Variants in FAM163A observed in about 807,000 individuals in gnomAD.
The protein encoded by FAM163A is protein FAM163A.
FAM163A carries 7 observed loss-of-function variants against 12.0 expected under a neutral mutation model. The observed-to-expected ratio is 0.58, with a 90% CI of 0.33 to 1.10. The LOEUF is 1.10. Among genes scored for constraint, FAM163A ranks in the 50% least tolerant of loss-of-function variants. The pLI, the probability that FAM163A is intolerant of heterozygous loss-of-function variation, is 0.03. For missense variants in FAM163A, 202 were observed against 218.6 expected, an observed-to-expected ratio of 0.92 and a Z score of 0.48; for synonymous variants, 101 against 91.0, an observed-to-expected ratio of 1.11 and a Z score of -0.62.
At chr1:179,771,049 C>T (rs914901002) in intron 1 of FAM163A, among the ~76,000 whole-genome samples, 1 of 152,152 alleles carries the variant, frequency 6.6e-6, no homozygotes, top group African/African-American at 2.4e-5. Flanking sequence ...TCCTGCTGCC[C>T]TCTGCTGACA....
At chr1:179,778,909 G>C (rs771784756) in intron 1 of FAM163A, among the ~76,000 whole-genome samples, 2 of 152,188 alleles carry the variant, frequency 1.3e-5, no homozygotes, top group African/African-American at 4.8e-5. Context: ...TAGAGGCTCC[G>C]AGCTAGACTC....
chr1:179,805,241 G>A (rs1174042756), intron 1 of FAM163A, among the ~76,000 whole-genome samples: 1 of 152,114 alleles, frequency 6.6e-6, no homozygotes, highest in East Asian at 1.9e-4. Flanking sequence ...TCATAGGCCG[G>A]GCATGCTGGC....
chr1:179,790,218 C>CTTTTTTTTTT (rs1168192716), intron 1 of FAM163A, among the ~76,000 whole-genome samples: 1 of 91,670 alleles, frequency 1.1e-5, no homozygotes, highest in Non-Finnish European at 2.1e-5. Context: ...AGCTGACTTC[C>CTTTTTTTTTT]TTTTTTTTTT....
At position 179,794,122 on chromosome 1, in the gene FAM163A, G is replaced by A. The variant is rs149006681; in HGVS notation, c.-135-13676G>A. ...GGCTGCCCTTACTCTCACACTCTTGGCCACCTTGTGCCTCTGCTCAGCCTA... is the reference window on the plus strand; with the variant it reads ...GGCTGCCCTTACTCTCACACTCTTGACCACCTTGTGCCTCTGCTCAGCCTA... On this transcript the variant is annotated intron_variant, in intron 1 of 4. Transcript: ENST00000341785. Among the ~76,000 whole-genome samples the A allele has an allele frequency of 3.9e-5, 6 of 152,316 alleles. No homozygotes were observed. In the East Asian group the frequency reaches 1.2e-3, roughly 29 times the overall value.
chr1:179,766,929 T>C lies in FAM163A; in HGVS notation c.-136+23506T>C, dbSNP rs1015565070. ...TGCCACCACGCTCGGCTAATTTTTA[T>C]CTTTTTAGTAGAGACAGGGTTTCAC... On this transcript the variant is annotated intron_variant, in intron 1 of 4. Coordinates refer to ENST00000341785, the MANE Select transcript of FAM163A (RefSeq NM_173509.3). Among the ~76,000 whole-genome samples, 5 of 152,112 alleles carry C rather than the reference T, an allele frequency of 3.3e-5. No homozygotes were observed. In the East Asian group the frequency reaches 9.6e-4, roughly 29 times the overall value.
At chr1:179,735,979 A>G in the FAM163A span, among the ~76,000 whole-genome samples, 3 of 152,266 alleles carry the variant, frequency 2.0e-5, no homozygotes, top group Admixed American at 2.0e-4. Context: ...AGCCACATGT[A>G]AAATAATGAA....
intron 1 of FAM163A, among the ~76,000 whole-genome samples, chr1:179,762,012 C>T (rs1686887746): frequency 6.6e-6 from 1 of 152,170 alleles, no homozygotes; most frequent in Admixed American, 6.5e-5. Context: ...CCCCCCACTC[C>T]TCCACTTCCC....
chr1:179,782,002 G>A (rs952077262), intron 1 of FAM163A, among the ~76,000 whole-genome samples: 25 of 150,986 alleles, frequency 1.7e-4, no homozygotes, highest in Admixed American at 1.6e-3. Context: ...TCCCTGTGAT[G>A]AGCACAAACT....
intron 1 of FAM163A, among the ~76,000 whole-genome samples, chr1:179,783,158 C>G (rs1690042134): frequency 6.6e-6 from 1 of 150,922 alleles, no homozygotes; most frequent in South Asian, 2.1e-4. Flanking sequence ...AAAAGCCATT[C>G]ATTCATTCAT....
chr1:179,788,739 G>T (rs1328286337), intron 1 of FAM163A, among the ~76,000 whole-genome samples: 1 of 152,194 alleles, frequency 6.6e-6, no homozygotes, highest in African/African-American at 2.4e-5. Context: ...ATATAGAAAT[G>T]CAGGGTTGCA....
At chr1:179,737,195 T>C in the FAM163A span, among the ~76,000 whole-genome samples, 1 of 152,198 alleles carries the variant, frequency 6.6e-6, no homozygotes, top group African/African-American at 2.4e-5. Flanking sequence ...GAAATCCTGC[T>C]ATTTGTGACA....
the FAM163A span, among the ~76,000 whole-genome samples, chr1:179,729,252 A>G: frequency 6.6e-6 from 1 of 152,122 alleles, no homozygotes; most frequent in African/African-American, 2.4e-5. Flanking sequence ...TAGGTGTTCT[A>G]TGTATGTGTT....
chr1:179,793,936 C>G (rs970492174), intron 1 of FAM163A, among the ~76,000 whole-genome samples: 1 of 152,186 alleles, frequency 6.6e-6, no homozygotes, highest in African/African-American at 2.4e-5. Flanking sequence ...TTATTGCTGT[C>G]CCCTTAAAGT....
intron 1 of FAM163A, among the ~76,000 whole-genome samples, chr1:179,787,418 C>T (rs1226485283): frequency 1.3e-5 from 2 of 152,204 alleles, no homozygotes; most frequent in Non-Finnish European, 2.9e-5. Context: ...ATGAACAAGG[C>T]ATAGCCCCTG....
intron 1 of FAM163A, among the ~76,000 whole-genome samples, chr1:179,787,137 C>A (rs965200492): frequency 1.3e-5 from 2 of 152,232 alleles, no homozygotes; most frequent in African/African-American, 4.8e-5. Flanking sequence ...ATTAAGTGGT[C>A]ATGGAACAAG....
chr1:179,805,871 C>T (rs746199831), intron 1 of FAM163A, among the ~76,000 whole-genome samples: 59 of 152,316 alleles, frequency 3.9e-4, no homozygotes, highest in African/African-American at 1.1e-3. Flanking sequence ...CCCTCTCTTC[C>T]GAAGTTCCCT....
intron 1 of FAM163A, among the ~76,000 whole-genome samples, chr1:179,774,772 C>G (rs1024154957): frequency 2.0e-5 from 3 of 152,104 alleles, no homozygotes; most frequent in African/African-American, 4.8e-5. Context: ...ACCCGCAGAC[C>G]CTGGACGAAC....
chr1:179,811,936 G>A (rs1297651396), intron 2 of FAM163A, among the ~76,000 whole-genome samples, 174 bp from the exon 3 acceptor site: 1 of 152,124 alleles, frequency 6.6e-6, no homozygotes, highest in Non-Finnish European at 1.5e-5. Context: ...CTATCTACTA[G>A]CAGCTGGAGA....
At chr1:179,758,817 C>T (rs1686401638) in intron 1 of FAM163A, among the ~76,000 whole-genome samples, 1 of 152,176 alleles carries the variant, frequency 6.6e-6, no homozygotes, top group African/African-American at 2.4e-5. Flanking sequence ...CCTTAGGACC[C>T]CCAGACTTCC....
Sources: gnomAD v4.1 joint callset for allele counts (sites outside exome capture counted in the v4.1 genomes callset) on GRCh38, gnomAD v4.1.1 for gene constraint, MANE v1.5 for transcripts, NCBI Gene and HGNC (gene_info 2026-07-23, HGNC 2026-07-21) for gene names.